The following SCFD2 variants were observed in gnomAD, a reference collection of about 807,000 sequenced individuals.
SCFD2 encodes the protein sec1 family domain-containing protein 2.
In SCFD2, 54 loss-of-function variants were observed where a neutral mutation model predicts 58.9. That is an observed-to-expected ratio of 0.92 (90% CI 0.74 to 1.15). SCFD2 has a LOEUF of 1.15. SCFD2 is among the 50% of genes most tolerant of loss of function. SCFD2 has a pLI of 0.00. For missense variants in SCFD2, 805 were observed against 836.6 expected, an observed-to-expected ratio of 0.96 and a Z score of 0.47; for synonymous variants, 321 against 335.9, an observed-to-expected ratio of 0.96 and a Z score of 0.49.
At chr4:53,173,009 A>C (rs1461884945) in intron 4 of SCFD2, among the ~76,000 whole-genome samples, 4 of 152,160 alleles carry the variant, frequency 2.6e-5, no homozygotes, top group Non-Finnish European at 5.9e-5. Flanking sequence ...TTTAATATTT[A>C]CTTTATATTT....
intron 7 of SCFD2, among the ~76,000 whole-genome samples, chr4:52,888,072 G>A (rs908381031): frequency 3.3e-5 from 5 of 151,446 alleles, no homozygotes; most frequent in African/African-American, 4.9e-5. Context: ...CACCGCGCCC[G>A]GCTAATTTTT....
Position 53,256,876 on chromosome 4 carries a change from C to T in SCFD2, c.1311+16950G>A, listed in dbSNP as rs530159997. On this transcript the variant is annotated intron_variant, in intron 4 of 8. Transcript: ENST00000401642. ...CGTGGAAAGAGAGGGAGAGGGAGAC[C>T]GTGGGGAGAGGGAGAGGGAGAGAGG... is the stretch of plus-strand genomic sequence containing the variant. Among the ~76,000 whole-genome samples the T allele has an allele frequency of 4.0e-3, 300 of 75,328 alleles. 1 individual carries two copies. The highest frequency in any genetic ancestry group is 0.013 in the Middle Eastern group (1 of 80). The allele number at this position is 75,328 out of a possible 152,430, so 49.4% of individuals were successfully genotyped here.
At chr4:53,231,298 C>T (rs1729431150) in intron 4 of SCFD2, among the ~76,000 whole-genome samples, 1 of 152,112 alleles carries the variant, frequency 6.6e-6, no homozygotes, top group South Asian at 2.1e-4. Context: ...ATAATGCAAG[C>T]CGCACAACAG....
At chr4:53,344,103 A>T (rs1242057781) in intron 2 of SCFD2, among the ~76,000 whole-genome samples, 1 of 151,828 alleles carries the variant, frequency 6.6e-6, no homozygotes, top group African/African-American at 2.4e-5. Flanking sequence ...GGCCAGGGCA[A>T]TCACGCAGGT....
intron 5 of SCFD2, among the ~76,000 whole-genome samples, chr4:52,973,804 A>T (rs1721175840): frequency 6.6e-6 from 1 of 152,260 alleles, no homozygotes; most frequent in South Asian, 2.1e-4. Flanking sequence ...GCAGCACATC[A>T]AAAAGCTTAT....
At chr4:53,165,306 A>C (rs1467505078) in intron 4 of SCFD2, among the ~76,000 whole-genome samples, 1 of 152,194 alleles carries the variant, frequency 6.6e-6, no homozygotes, top group African/African-American at 2.4e-5. Context: ...TACTTGCATA[A>C]ATTTTGGAAT....
At chr4:53,332,114 C>A (rs1250290480) in intron 2 of SCFD2, among the ~76,000 whole-genome samples, 1 of 151,706 alleles carries the variant, frequency 6.6e-6, no homozygotes. Context: ...AATAGTTTAC[C>A]AACCAAAAAG....
intron 4 of SCFD2, among the ~76,000 whole-genome samples, chr4:53,249,201 T>C (rs1256375526): frequency 6.6e-6 from 1 of 152,016 alleles, no homozygotes; most frequent in East Asian, 1.9e-4. Flanking sequence ...GAAGAAAGGG[T>C]ATCAGTGATG....
chr4:52,875,678 A>G lies in SCFD2; in HGVS notation c.1963-1617T>C, dbSNP rs1257417352. Reference sequence around the variant, plus strand: ...AAGAGAAAAAGTAGAAGAGGAAGAGAGAAGGAAGTATTTCTTGTTGTTAAA... The same window carrying G: ...AAGAGAAAAAGTAGAAGAGGAAGAGGGAAGGAAGTATTTCTTGTTGTTAAA... On this transcript the variant is annotated intron_variant, in intron 8 of 8. Transcript: ENST00000401642. Among the ~76,000 whole-genome samples, 7 of 151,588 alleles carry G rather than the reference A, an allele frequency of 4.6e-5. No individual in the cohort carries two copies. The East Asian group carries it at 1.4e-3, about 29-fold the overall frequency.
chr4:53,223,156 G>T (rs889874710), intron 4 of SCFD2, among the ~76,000 whole-genome samples: 2 of 152,108 alleles, frequency 1.3e-5, no homozygotes, highest in African/African-American at 4.8e-5. Context: ...CTAAAAATAT[G>T]GCTTGGCCTG....
chr4:53,214,540 T>A (rs1276887364), intron 4 of SCFD2, among the ~76,000 whole-genome samples: 1 of 152,104 alleles, frequency 6.6e-6, no homozygotes, highest in Non-Finnish European at 1.5e-5. Flanking sequence ...TCATTGTAGA[T>A]TCTGGATATT....
chr4:53,203,421 G>A, intron 4 of SCFD2, among the ~76,000 whole-genome samples: 1 of 151,622 alleles, frequency 6.6e-6, no homozygotes, highest in East Asian at 1.9e-4. Flanking sequence ...CTGTAAGTTG[G>A]ATTTTCAATT....
intron 5 of SCFD2, among the ~76,000 whole-genome samples, chr4:52,931,090 G>C (rs1314599981): frequency 6.6e-6 from 1 of 152,152 alleles, no homozygotes; most frequent in Non-Finnish European, 1.5e-5. Context: ...GCTCCTACTA[G>C]GAATCACAGC....
intron 5 of SCFD2, among the ~76,000 whole-genome samples, chr4:53,058,117 T>A (rs1419530778): frequency 1.3e-5 from 2 of 152,202 alleles, no homozygotes; most frequent in East Asian, 1.9e-4. Flanking sequence ...TAATTACAAA[T>A]CTAATTACAA....
chr4:53,114,556 C>T (rs1725266237), intron 5 of SCFD2, among the ~76,000 whole-genome samples: 1 of 152,090 alleles, frequency 6.6e-6, no homozygotes, highest in African/African-American at 2.4e-5. Context: ...CTCATCAGAA[C>T]CTCTTGGAGT....
intron 4 of SCFD2, among the ~76,000 whole-genome samples, chr4:53,149,832 T>C (rs542406234): frequency 6.6e-6 from 1 of 152,216 alleles, no homozygotes; most frequent in African/African-American, 2.4e-5. Flanking sequence ...CTGAGCAACA[T>C]TCTACAAAAT....
intron 6 of SCFD2, among the ~76,000 whole-genome samples, chr4:52,916,380 G>A (rs142305105): frequency 8.5e-5 from 13 of 152,342 alleles, no homozygotes; most frequent in African/African-American, 2.6e-4. Flanking sequence ...GACCAGCCTC[G>A]CCAACATGGC....
At chr4:53,276,522 C>T (rs553193725) in intron 3 of SCFD2, among the ~76,000 whole-genome samples, 20 of 151,978 alleles carry the variant, frequency 1.3e-4, no homozygotes, top group African/African-American at 4.1e-4. Flanking sequence ...TAGGTAAACT[C>T]GTGTCATGGG....
At chr4:52,966,444 C>T (rs1454199148) in intron 5 of SCFD2, among the ~76,000 whole-genome samples, 1 of 152,112 alleles carries the variant, frequency 6.6e-6, no homozygotes, top group Non-Finnish European at 1.5e-5. Flanking sequence ...AATCCCTTTC[C>T]TCCTTCCCAC....
Sources: allele counts gnomAD v4.1 joint callset (sites outside exome capture counted in the v4.1 genomes callset), GRCh38; gene constraint gnomAD v4.1.1; transcripts MANE v1.5; gene names NCBI Gene and HGNC (gene_info 2026-07-23, HGNC 2026-07-21).